KIAA1217: variants seen among roughly 807,000 people sequenced by gnomAD.
KIAA1217 encodes sickle tail protein homolog.
A neutral mutation model predicts 163.9 loss-of-function variants in KIAA1217; 88 were observed. The observed-to-expected ratio is 0.54, with a 90% confidence interval of 0.45 to 0.64. KIAA1217 has a LOEUF of 0.64. Ranked by LOEUF, KIAA1217 falls within the 30% of genes least tolerant of loss-of-function variation. The pLI is 0.00. For missense variants in KIAA1217, 2,372 were observed against 2,475.0 expected (o/e 0.96, Z 0.88); for synonymous variants, 903 against 923.1 (o/e 0.98, Z 0.39).
intron 2 of KIAA1217, among the ~76,000 whole-genome samples, chr10:24,146,030 T>A (rs887245136): frequency 2.0e-5 from 3 of 152,220 alleles, no homozygotes; most frequent in Non-Finnish European, 4.4e-5. Flanking sequence ...TCCAATCAAG[T>A]TGACACTCAA....
At chr10:24,043,468 G>C (rs1171880215) in intron 2 of KIAA1217, among the ~76,000 whole-genome samples, 1 of 152,042 alleles carries the variant, frequency 6.6e-6, no homozygotes, top group African/African-American at 2.4e-5. Flanking sequence ...GTAAGTATCT[G>C]TCTGGAAAAT....
chr10:24,202,507 C>T (rs1589883505), intron 2 of KIAA1217, among the ~76,000 whole-genome samples: 1 of 152,172 alleles, frequency 6.6e-6, no homozygotes, highest in Non-Finnish European at 1.5e-5. Flanking sequence ...TTCTCGGAGC[C>T]TCCACCCTCC....
At chr10:23,978,246 G>A (rs748498345) in intron 1 of KIAA1217, among the ~76,000 whole-genome samples, 45 of 152,092 alleles carry the variant, frequency 3.0e-4, no homozygotes, top group Admixed American at 2.6e-4. Flanking sequence ...TCCATGTTCT[G>A]TCTTTATGCT....
intron 2 of KIAA1217, among the ~76,000 whole-genome samples, chr10:24,025,093 C>T (rs1419777285): frequency 6.6e-6 from 1 of 151,572 alleles, no homozygotes; most frequent in Non-Finnish European, 1.5e-5. Flanking sequence ...TCAGTGTAAC[C>T]TAAAGTCACA....
At chr10:23,784,795 T>G (rs532629122) in intron 1 of KIAA1217, among the ~76,000 whole-genome samples, 1 of 152,334 alleles carries the variant, frequency 6.6e-6, no homozygotes, top group Admixed American at 6.5e-5. Context: ...TTAAATCTTG[T>G]ATATTCCTTT....
At position 23,790,435 on chromosome 10, in the gene KIAA1217, A is replaced by G. The variant is rs189505130; in HGVS notation, c.-321+95201A>G. On this transcript the variant is annotated intron_variant, in intron 1 of 18. Transcript: ENST00000376462. ...TATACATATATACATATATACATAT[A>G]CATATATACATATATACATGTGCAT... Among the ~76,000 whole-genome samples the G allele has an allele frequency of 1.1e-3, 97 of 90,646 alleles. 20 individuals carry two copies. Among genetic ancestry groups the G allele is most frequent in the East Asian group, 3.6e-3 (13 of 3,614 alleles). 59.5% of individuals were successfully genotyped at this position (90,646 alleles called of 152,430 possible).
intron 2 of KIAA1217, chr10:24,158,574 G>C: frequency 7.9e-6 from 4 of 505,324 alleles, no homozygotes; most frequent in Non-Finnish European, 1.2e-5. Context: ...AAACTGTAAT[G>C]GGAAGCACTG....
intron 10 of KIAA1217, among the ~76,000 whole-genome samples, chr10:24,519,433 G>A (rs6482396): frequency 0.3 from 45,614 of 151,958 alleles, 7,160 homozygotes; most frequent in Middle Eastern, 0.4. Context: ...TTGGAGAAGA[G>A]TTCATCCTTG....
intron 1 of KIAA1217, among the ~76,000 whole-genome samples, chr10:23,816,018 A>G (rs1837298657): frequency 6.6e-6 from 1 of 152,158 alleles, no homozygotes; most frequent in Non-Finnish European, 1.5e-5. Flanking sequence ...AATAAAAGTT[A>G]ATGAAGTCTT....
intron 1 of KIAA1217, among the ~76,000 whole-genome samples, chr10:23,877,738 T>C (rs1840761827): frequency 1.3e-5 from 2 of 151,990 alleles, no homozygotes; most frequent in South Asian, 4.1e-4. Flanking sequence ...AGCTACCAAT[T>C]GACACTTGAA....
intron 2 of KIAA1217, among the ~76,000 whole-genome samples, chr10:24,365,043 G>A (rs1476701361): frequency 2.6e-5 from 4 of 152,022 alleles, no homozygotes; most frequent in South Asian, 2.1e-4. Flanking sequence ...GGCCTCAAGC[G>A]ATCCTCCTGT....
chr10:24,113,505 T>C (rs2062935511), intron 2 of KIAA1217, among the ~76,000 whole-genome samples: 1 of 152,192 alleles, frequency 6.6e-6, no homozygotes, highest in Non-Finnish European at 1.5e-5. Context: ...GGATGAGTAT[T>C]GTAGAAGATG....
chr10:24,296,069 C>G (rs2040561374), intron 2 of KIAA1217, among the ~76,000 whole-genome samples: 1 of 152,082 alleles, frequency 6.6e-6, no homozygotes, highest in African/African-American at 2.4e-5. Flanking sequence ...CTGTCAGCCC[C>G]CATCTCAGAT....
At chr10:23,915,979 A>G (rs182054074) in intron 1 of KIAA1217, among the ~76,000 whole-genome samples, 2,642 of 152,276 alleles carry the variant, frequency 0.017, 44 homozygotes, top group Admixed American at 0.052. Flanking sequence ...GGGAAAGAAT[A>G]CCTAGGGCAA....
At chr10:24,480,086 GA>G (rs1200376088) in intron 6 of KIAA1217, among the ~76,000 whole-genome samples, 7 of 152,132 alleles carry the variant, frequency 4.6e-5, no homozygotes, top group African/African-American at 7.2e-5. Context: ...CTACCCACTG[GA>G]AGCCAGTAGC....
intron 1 of KIAA1217, among the ~76,000 whole-genome samples, chr10:23,984,749 C>A (rs187193672): frequency 6.6e-6 from 1 of 150,788 alleles, no homozygotes; most frequent in Admixed American, 6.6e-5. Context: ...ACATCACACA[C>A]TGGGGCCTGT....
chr10:23,711,658 A>C (rs758610197), intron 1 of KIAA1217, among the ~76,000 whole-genome samples: 3 of 152,214 alleles, frequency 2.0e-5, no homozygotes, highest in Non-Finnish European at 2.9e-5. Flanking sequence ...ACAAGATACA[A>C]AGGAGAACCT....
chr10:24,361,387 C>A (rs2134235337), intron 2 of KIAA1217, among the ~76,000 whole-genome samples: 1 of 152,218 alleles, frequency 6.6e-6, no homozygotes, highest in African/African-American at 2.4e-5. Context: ...GAGGTTGCAA[C>A]ATGTTGCGCA....
intron 1 of KIAA1217, among the ~76,000 whole-genome samples, chr10:24,210,608 G>A (rs933320665): frequency 6.6e-6 from 1 of 152,100 alleles, no homozygotes; most frequent in Non-Finnish European, 1.5e-5. Flanking sequence ...AACAATCAGG[G>A]CAATTCAGAG....
Sources: gnomAD v4.1 joint callset for allele counts (sites outside exome capture counted in the v4.1 genomes callset) on GRCh38, gnomAD v4.1.1 for gene constraint, MANE v1.5 for transcripts, NCBI Gene and HGNC (gene_info 2026-07-23, HGNC 2026-07-21) for gene names.